TSHZ3: variants seen among roughly 807,000 people sequenced by gnomAD.
The protein encoded by TSHZ3 is teashirt zinc finger homeobox 3.
TSHZ3 carries 10 observed loss-of-function variants against 64.5 expected under a neutral mutation model. The ratio of observed to expected loss-of-function variants is 0.16; its 90% confidence interval spans 0.10 to 0.26. TSHZ3 has a LOEUF of 0.26. Among genes scored for constraint, TSHZ3 ranks in the 10% least tolerant of loss-of-function variants. The pLI, the probability that TSHZ3 is intolerant of heterozygous loss-of-function variation, is 1.00. For missense variants in TSHZ3, 1,242 were observed against 1,421.7 expected, an observed-to-expected ratio of 0.87 and a Z score of 2.03; for synonymous variants, 608 against 593.1, an observed-to-expected ratio of 1.03 and a Z score of -0.36.
intron 1 of TSHZ3, among the ~76,000 whole-genome samples, chr19:31,282,606 T>TC (rs1406962848): frequency 6.6e-6 from 1 of 151,868 alleles, no homozygotes; most frequent in East Asian, 1.9e-4. Context: ...GGAGCACCCC[T>TC]CCCCAACACA....
intron 1 of TSHZ3, among the ~76,000 whole-genome samples, chr19:31,258,854 T>G (rs1975947801): frequency 6.6e-6 from 1 of 152,190 alleles, no homozygotes; most frequent in Non-Finnish European, 1.5e-5. Flanking sequence ...AAAGCTGCTG[T>G]TCAGTGGCCC....
intron 3 of TSHZ3, among the ~76,000 whole-genome samples, chr19:31,241,090 C>T (rs961582005): frequency 1.3e-5 from 2 of 152,158 alleles, no homozygotes; most frequent in Non-Finnish European, 2.9e-5. Context: ...TTTGATTGAA[C>T]ACTGCACACC....
chr19:31,345,277 G>A (rs1204184350), intron 1 of TSHZ3, among the ~76,000 whole-genome samples: 2 of 152,224 alleles, frequency 1.3e-5, no homozygotes, highest in African/African-American at 2.4e-5. Context: ...GGAGAAATAC[G>A]TGGCAGGTAT....
At chr19:31,223,768 A>C (rs1975421956) in intron 4 of TSHZ3, among the ~76,000 whole-genome samples, 1 of 152,138 alleles carries the variant, frequency 6.6e-6, no homozygotes, top group Non-Finnish European at 1.5e-5. Context: ...GCTGACTGCC[A>C]GCAAATAGAA....
chr19:31,342,244 G>A (rs1333975765), intron 1 of TSHZ3, among the ~76,000 whole-genome samples: 1 of 152,156 alleles, frequency 6.6e-6, no homozygotes, highest in Non-Finnish European at 1.5e-5. Context: ...AACTATTGTT[G>A]GGGTGTATTT....
At chr19:31,265,397 C>CAAAAAAAAAAAA (rs11432951) in intron 1 of TSHZ3, among the ~76,000 whole-genome samples, 1 of 34,266 alleles carries the variant, frequency 2.9e-5, no homozygotes, top group Non-Finnish European at 5.1e-5. Context: ...AACTCTGTCT[C>CAAAAAAAAAAAA]AAAAAAAAAA....
downstream of TSHZ3, among the ~76,000 whole-genome samples, chr19:31,272,515 C>A (rs1389732571): frequency 1.3e-5 from 2 of 152,182 alleles, no homozygotes; most frequent in East Asian, 3.8e-4. Flanking sequence ...GGGTCCTCAT[C>A]ATAACCAACC....
At chr19:31,291,870 G>A (rs1037906556) in intron 1 of TSHZ3, among the ~76,000 whole-genome samples, 3 of 152,184 alleles carry the variant, frequency 2.0e-5, no homozygotes, top group Admixed American at 6.5e-5. Flanking sequence ...CAGCCAGCCC[G>A]GTGCTGGGCC....
chr19:31,151,863 T>C (rs935220571), intron 6 of TSHZ3, among the ~76,000 whole-genome samples: 1 of 152,234 alleles, frequency 6.6e-6, no homozygotes, highest in African/African-American at 2.4e-5. Flanking sequence ...TTTTCATTAT[T>C]CTTTAGCAAA....
intron 1 of TSHZ3, chr19:31,308,735 C>A (rs1916368449): frequency 2.5e-6 from 1 of 398,590 alleles, no homozygotes; most frequent in Admixed American, 4.4e-5. Flanking sequence ...AACAGGGACA[C>A]ACCGTCTAAG....
At chr19:31,306,507 G>A (rs992614342) in intron 1 of TSHZ3, among the ~76,000 whole-genome samples, 1 of 152,178 alleles carries the variant, frequency 6.6e-6, no homozygotes, top group African/African-American at 2.4e-5. Flanking sequence ...TTTATCTTGA[G>A]AGGGCACACG....
Position 31,202,566 on chromosome 19 carries a change from T to C in TSHZ3, n.809+2390A>G, listed in dbSNP as rs1193475009. On this transcript the variant is annotated intron_variant and non_coding_transcript_variant, in intron 5 of 6. Coordinates refer to the TSHZ3 transcript ENST00000651361. ...ATAATTTTTTATTACCCAATCATTA[T>C]TGGGTAGTTAGATCACTTCCAATTT... 2.6e-5 allele frequency among the ~76,000 whole-genome samples: 4 copies of C among 152,236 alleles called. No individual in the cohort carries two copies. The East Asian group carries it at 7.7e-4, about 29-fold the overall frequency.
At chr19:31,341,104 G>A (rs762373768) in intron 1 of TSHZ3, among the ~76,000 whole-genome samples, 2 of 152,154 alleles carry the variant, frequency 1.3e-5, no homozygotes, top group East Asian at 1.9e-4. Flanking sequence ...CCTGAGTCCC[G>A]AGGCCTCCAG....
chr19:31,180,098 T>C (rs1460369754), intron 5 of TSHZ3, among the ~76,000 whole-genome samples: 1 of 152,156 alleles, frequency 6.6e-6, no homozygotes, highest in Non-Finnish European at 1.5e-5. Context: ...TTGAGTTTGT[T>C]TGTGTTCCTT....
chr19:31,206,865 G>A (rs763413002), intron 4 of TSHZ3, among the ~76,000 whole-genome samples: 35 of 152,254 alleles, frequency 2.3e-4, no homozygotes, highest in Non-Finnish European at 4.9e-4. Flanking sequence ...AATTCCAGGG[G>A]CCTGAAGGCA....
At chr19:31,333,150 A>AAATAAATAAATC (rs1323460536) in intron 1 of TSHZ3, among the ~76,000 whole-genome samples, 7 of 137,954 alleles carry the variant, frequency 5.1e-5, no homozygotes, top group African/African-American at 1.3e-4. Flanking sequence ...ATAAATAAAT[A>AAATAAATAAATC]AATCCAGGGG....
intron 4 of TSHZ3, among the ~76,000 whole-genome samples, chr19:31,213,998 G>T (rs954420277): frequency 2.0e-5 from 3 of 152,152 alleles, no homozygotes; most frequent in Non-Finnish European, 4.4e-5. Context: ...CCTGCACTTG[G>T]AATCGTTAAC....
chr19:31,247,798 T>A (rs1244624600), intron 1 of TSHZ3, among the ~76,000 whole-genome samples: 3 of 152,214 alleles, frequency 2.0e-5, no homozygotes, highest in Non-Finnish European at 4.4e-5. Context: ...GCATCAGGTC[T>A]GCAGTTAATT....
chr19:31,261,314 G>T (rs536473711), intron 1 of TSHZ3, among the ~76,000 whole-genome samples: 2 of 152,312 alleles, frequency 1.3e-5, no homozygotes, highest in South Asian at 4.2e-4. Flanking sequence ...CAGAGTCTCT[G>T]AGAGGCAATG....
Sources: gnomAD v4.1 joint callset for allele counts (sites outside exome capture counted in the v4.1 genomes callset) on GRCh38, gnomAD v4.1.1 for gene constraint, MANE v1.5 for transcripts, NCBI Gene and HGNC (gene_info 2026-07-23, HGNC 2026-07-21) for gene names.